GRIK4: variants seen among roughly 807,000 people sequenced by gnomAD.
GRIK4 encodes the protein glutamate ionotropic receptor kainate type subunit 4, also known as glutamate receptor ionotropic, kainate 4.
GRIK4 carries 40 observed loss-of-function variants against 104.9 expected under a neutral mutation model. The observed-to-expected ratio is 0.38, with a 90% CI of 0.30 to 0.50. The LOEUF is 0.50. GRIK4 is among the 20% of genes least tolerant of loss of function. The probability of loss-of-function intolerance (pLI) is 0.93; values close to 1 mark genes in which losing one functional copy is unlikely to be tolerated. For missense variants in GRIK4, 1,047 were observed against 1,308.1 expected, an observed-to-expected ratio of 0.80 and a Z score of 3.08; for synonymous variants, 485 against 524.9, an observed-to-expected ratio of 0.92 and a Z score of 1.04.
At chr11:120,732,671 G>C (rs111394540) in intron 3 of GRIK4, among the ~76,000 whole-genome samples, 2,034 of 152,062 alleles carry the variant, frequency 0.013, 42 homozygotes, top group East Asian at 0.061. Flanking sequence ...TTATTGATTT[G>C]TAGTTTTATT....
chr11:120,841,008 T>C (rs1000154952), intron 8 of GRIK4, among the ~76,000 whole-genome samples: 1 of 152,264 alleles, frequency 6.6e-6, no homozygotes, highest in Non-Finnish European at 1.5e-5. Flanking sequence ...TTGTGTCTAG[T>C]TTATTTCACT....
At chr11:120,761,672 G>A (rs1266558298) in intron 3 of GRIK4, among the ~76,000 whole-genome samples, 1 of 152,154 alleles carries the variant, frequency 6.6e-6, no homozygotes, top group African/African-American at 2.4e-5. Context: ...TATATGGCTA[G>A]CCAGTTTTCT....
At chr11:120,726,828 G>A (rs1951034692) in intron 3 of GRIK4, among the ~76,000 whole-genome samples, 1 of 152,090 alleles carries the variant, frequency 6.6e-6, no homozygotes, top group Non-Finnish European at 1.5e-5. Flanking sequence ...GTGGCAGCAT[G>A]GTTTGTGGAT....
Position 120,555,012 on chromosome 11 carries a change from T to A in GRIK4, c.-159+43125T>A, listed in dbSNP as rs1948174009. On this transcript the variant is annotated intron_variant, in intron 1 of 20. Coordinates refer to ENST00000527524, the MANE Select transcript of GRIK4 (RefSeq NM_014619.5). The surrounding 1 kb of genome is among the most constrained non-coding windows in gnomAD (Gnocchi z 5.3). ...CCGCAACCACACTCCCACACAGGCA[T>A]CCCGTAAAGGTAGTCCATGCGAGTC... 6.6e-6 allele frequency among the ~76,000 whole-genome samples: 1 copy of A among 152,166 alleles called. No individual in the cohort carries two copies. Among genetic ancestry groups the A allele is most frequent in the Non-Finnish European group, 1.5e-5 (1 of 68,030 alleles).
chr11:120,695,829 A>G (rs943014786), intron 3 of GRIK4, among the ~76,000 whole-genome samples: 1 of 152,224 alleles, frequency 6.6e-6, no homozygotes, highest in African/African-American at 2.4e-5. Context: ...AACTGAGGGC[A>G]GCCAAGGACC....
intron 3 of GRIK4, among the ~76,000 whole-genome samples, chr11:120,677,514 A>G (rs1345748242): frequency 2.6e-5 from 4 of 152,222 alleles, no homozygotes; most frequent in Non-Finnish European, 5.9e-5. Context: ...GTTCTCTGGT[A>G]CTTACTTAAT....
At chr11:120,665,403 G>A (rs1949895920) in intron 3 of GRIK4, among the ~76,000 whole-genome samples, 1 of 152,140 alleles carries the variant, frequency 6.6e-6, no homozygotes, top group Non-Finnish European at 1.5e-5. Context: ...AGAAATTGAT[G>A]ACTTTCTCCT....
intron 2 of GRIK4, among the ~76,000 whole-genome samples, chr11:120,655,599 G>A (rs1949694324): frequency 6.6e-6 from 1 of 152,332 alleles, no homozygotes; most frequent in East Asian, 1.9e-4. Flanking sequence ...ACCAGAGGAT[G>A]GGGGCCCAAT....
intron 9 of GRIK4, chr11:120,871,945 C>T (rs1954621758): frequency 4.4e-6 from 2 of 455,854 alleles, no homozygotes; most frequent in African/African-American, 2.0e-5. Flanking sequence ...GCTGGCTCAC[C>T]CAGTTCCCCT....
chr11:120,694,887 C>T (rs1397665039), intron 3 of GRIK4, among the ~76,000 whole-genome samples: 1 of 152,306 alleles, frequency 6.6e-6, no homozygotes, highest in Middle Eastern at 3.4e-3. Context: ...AACACTGCAG[C>T]CCGTAACACT....
intron 1 of GRIK4, among the ~76,000 whole-genome samples, chr11:120,601,362 C>T (rs1948884312): frequency 2.6e-5 from 4 of 151,556 alleles, no homozygotes; most frequent in Admixed American, 2.0e-4. Flanking sequence ...GCCGAGATTG[C>T]GCCACTGCAC....
chr11:120,629,568 G>C (rs1210195083), intron 1 of GRIK4, among the ~76,000 whole-genome samples: 1 of 152,058 alleles, frequency 6.6e-6, no homozygotes, highest in Non-Finnish European at 1.5e-5. Context: ...GGGCCACATG[G>C]GCACCTGGCT....
chr11:120,877,390 T>C (rs1954850399), intron 11 of GRIK4, among the ~76,000 whole-genome samples: 1 of 152,132 alleles, frequency 6.6e-6, no homozygotes, highest in Admixed American at 6.5e-5. Context: ...GAGCCTGACA[T>C]AGAAAACCGT....
chr11:120,937,787 A>C (rs1038188205), intron 13 of GRIK4, among the ~76,000 whole-genome samples: 1 of 152,210 alleles, frequency 6.6e-6, no homozygotes, highest in Admixed American at 6.5e-5. Context: ...CCATCTGCAG[A>C]TGTGTCTCCA....
At chr11:120,655,532 T>G (rs1591773137) in intron 2 of GRIK4, among the ~76,000 whole-genome samples, 1 of 152,162 alleles carries the variant, frequency 6.6e-6, no homozygotes, top group Non-Finnish European at 1.5e-5. Context: ...TTATCAAGTT[T>G]GTATTTCTGT....
intron 5 of GRIK4, among the ~76,000 whole-genome samples, chr11:120,818,499 G>C (rs1193760727): frequency 6.6e-6 from 1 of 152,122 alleles, no homozygotes; most frequent in Admixed American, 6.5e-5. Context: ...TCAGTTTCTG[G>C]TGGAAAATAT....
At chr11:120,655,155 A>T (rs1472698428) in intron 2 of GRIK4, among the ~76,000 whole-genome samples, 3 of 151,964 alleles carry the variant, frequency 2.0e-5, no homozygotes, top group Non-Finnish European at 4.4e-5. Flanking sequence ...CATCGTTGTC[A>T]TAGGTAGGAT....
chr11:120,544,505 A>G (rs1159410491), intron 1 of GRIK4, among the ~76,000 whole-genome samples: 1 of 151,836 alleles, frequency 6.6e-6, no homozygotes, highest in Non-Finnish European at 1.5e-5. Flanking sequence ...TAATTTTTCT[A>G]CTTTTAGTAG....
At chr11:120,802,194 G>A (rs7120799) in intron 3 of GRIK4, among the ~76,000 whole-genome samples, 7 of 152,162 alleles carry the variant, frequency 4.6e-5, no homozygotes, top group African/African-American at 1.4e-4. Context: ...TCAGAGCCTG[G>A]GGAGCCAGCA....
Sources: allele counts gnomAD v4.1 joint callset (sites outside exome capture counted in the v4.1 genomes callset), GRCh38; gene constraint gnomAD v4.1.1; non-coding constraint Gnocchi (gnomAD v3.1); transcripts MANE v1.5; gene names NCBI Gene and HGNC (gene_info 2026-07-23, HGNC 2026-07-21).